Variants in TPM3 observed in about 807,000 individuals in gnomAD.
The protein encoded by TPM3 is tropomyosin alpha-3 chain.
In TPM3, 16 loss-of-function variants were observed where a neutral mutation model predicts 43.1. The ratio of observed to expected loss-of-function variants is 0.37; its 90% confidence interval spans 0.25 to 0.56. The LOEUF is 0.56. TPM3 is among the 20% of genes least tolerant of loss of function. The pLI, the probability that TPM3 is intolerant of heterozygous loss-of-function variation, is 0.77. For synonymous variants in TPM3, 101 were observed against 116.9 expected, an observed-to-expected ratio of 0.86 and a Z score of 0.88; for missense variants, 176 against 337.2, an observed-to-expected ratio of 0.52 and a Z score of 3.74.
Position 154,167,171 on chromosome 1 carries a change from C to T in TPM3, c.*766G>A, listed in dbSNP as rs1436451887. On this transcript the variant is annotated 3_prime_UTR_variant, in exon 10 of 10. Coordinates refer to ENST00000651641, the MANE Select transcript of TPM3 (RefSeq NM_152263.4). ...CTTATCTTATATCCCACTAGTCACA[C>T]ACTAGCAGGCAAATGGTAGCAAGTC... 1.1e-5 allele frequency: 4 copies of T among 362,312 alleles called. No individual in the cohort carries two copies. The highest frequency in any genetic ancestry group is 4.4e-5 in the African/African-American group (2 of 45,100). The allele number at this position is 362,312 out of a possible 1,614,324, so 22.4% of individuals were successfully genotyped here. A position where few individuals can be genotyped will look rare whatever the true frequency, so the allele number is the denominator to read the frequency against.
At chr1:154,187,371 T>G in intron 2 of TPM3, 1 of 984,862 alleles carries the variant, frequency 1.0e-6, no homozygotes, top group Non-Finnish European at 1.2e-6. Context: ...TGCTTGCTCC[T>G]GGCCACAACC....
At chr1:154,184,248 A>G (rs2148285934) in intron 2 of TPM3, among the ~76,000 whole-genome samples, 1 of 152,024 alleles carries the variant, frequency 6.6e-6, no homozygotes, top group South Asian at 2.1e-4. Context: ...CGTGTTAGCC[A>G]GGATGGTCTC....
downstream of TPM3, chr1:154,156,026 T>C (rs1659773988): frequency 5.6e-6 from 1 of 179,220 alleles, no homozygotes; most frequent in Admixed American, 6.3e-5. Context: ...AGGTCAGGAG[T>C]TCGAGACCAG....
At chr1:154,157,428 A>G, downstream of TPM3, 2 of 666,640 alleles carry the variant, frequency 3.0e-6, no homozygotes, top group Non-Finnish European at 2.7e-6. Context: ...GTTGTTTCCA[A>G]AGGTGCTCAG....
rs1160785800 is a variant in TPM3 at position 154,163,036 on chromosome 1, CTT to C, written c.*4899_*4900del. On this transcript the variant is annotated 3_prime_UTR_variant, in exon 10 of 10. Coordinates refer to ENST00000651641, the MANE Select transcript of TPM3 (RefSeq NM_152263.4). ...ACGTTGGCCAGGATGGTCTTGATCTCTTGACCTTGTGATCCACCTGCCTCGGC... is the reference window on the plus strand; with the variant it reads ...ACGTTGGCCAGGATGGTCTTGATCTCGACCTTGTGATCCACCTGCCTCGGC... Among the ~76,000 whole-genome samples the C allele has an allele frequency of 6.6e-6, 1 of 152,158 alleles. No homozygotes were observed. Among genetic ancestry groups the C allele is most frequent in the Admixed American group, 6.5e-5 (1 of 15,272 alleles).
intron 5 of TPM3, chr1:154,172,640 T>C (rs889910225): frequency 2.0e-6 from 1 of 510,618 alleles, no homozygotes; most frequent in African/African-American, 1.9e-5. Flanking sequence ...TCCAATTAAC[T>C]GTTCACCATG....
At chr1:154,191,683 T>A in intron 1 of TPM3, 5 of 1,461,982 alleles carry the variant, frequency 3.4e-6, no homozygotes, top group Non-Finnish European at 2.7e-6. Context: ...TCTACTTAAA[T>A]TCAGCAGACA....
At chr1:154,170,174 T>G (rs554450943) in intron 8 of TPM3, 1 of 554,244 alleles carries the variant, frequency 1.8e-6, no homozygotes, top group Non-Finnish European at 3.2e-6. Flanking sequence ...AGGGTACAAA[T>G]TGCAGACTAT....
chr1:154,183,268 C>T, intron 2 of TPM3: 1 of 1,518,964 alleles, frequency 6.6e-7, no homozygotes, highest in Non-Finnish European at 8.8e-7. Context: ...GCCGCGCCCT[C>T]CCACCGCCAG....
chr1:154,169,326 G>T lies in TPM3; in HGVS notation c.833C>A (p.Ala278Asp). ...YKAISEELDH[A>D]LNDMTSI is the part of the protein sequence containing the mutation. The stretch of plus-strand genomic sequence containing the variant: ...TTACATAGAGGTCATGTCATTGAGG[G>T]CGTGGTCCAGCTCCTCGCTAATGGC... The change falls in exon 9 of 10, where the codon GCC (alanine) becomes GAC (aspartate). Residue 278 changes from alanine (A) to aspartate (D), a missense_variant. By Grantham distance (126) the Ala-to-Asp change is moderately radical (BLOSUM62 -2). Coordinates refer to ENST00000651641, the MANE Select transcript of TPM3 (RefSeq NM_152263.4). The T allele has an allele frequency of 6.2e-7, 1 of 1,614,198 alleles. No individual in the cohort carries two copies. The highest frequency in any genetic ancestry group is 8.5e-7 in the Non-Finnish European group (1 of 1,180,046).
chr1:154,189,014 C>T (rs1663545157), intron 2 of TPM3, among the ~76,000 whole-genome samples: 1 of 151,360 alleles, frequency 6.6e-6, no homozygotes, highest in South Asian at 2.1e-4. Flanking sequence ...TGCCTGTAAT[C>T]CCAGCTACTC....
chr1:154,183,682 C>T (rs1663232758), intron 2 of TPM3: 1 of 176,566 alleles, frequency 5.7e-6, no homozygotes, highest in African/African-American at 2.4e-5. Flanking sequence ...CAAAAGAGCC[C>T]CACTCAGTCT....
intron 6 of TPM3, 118 bp downstream of exon 6, chr1:154,171,295 G>A: frequency 9.8e-7 from 1 of 1,024,296 alleles, no homozygotes; most frequent in South Asian, 1.3e-5. Context: ...ATGGTAAGGA[G>A]GTAGGAAGAG....
At chr1:154,177,199 T>C (rs1662436333) in intron 2 of TPM3, among the ~76,000 whole-genome samples, 1 of 152,134 alleles carries the variant, frequency 6.6e-6, no homozygotes, top group South Asian at 2.1e-4. Context: ...ACTCCTTTTT[T>C]AAGTTGGCTA....
rs746822010 is a variant in TPM3 at position 154,178,441 on chromosome 1, G to C, written c.244-2193C>G. ...AGCTTCAGAGACCCCCTCCAGGGTGGAGTGGTAGGGAATGGGACCTTGCCT... is the reference window on the plus strand; with the variant it reads ...AGCTTCAGAGACCCCCTCCAGGGTGCAGTGGTAGGGAATGGGACCTTGCCT... On this transcript the variant is annotated intron_variant, in intron 2 of 9. Transcript: ENST00000651641. Among the ~76,000 whole-genome samples, 9 of 152,240 alleles carry C rather than the reference G, an allele frequency of 5.9e-5. 1 individual carries two copies. The highest frequency in any genetic ancestry group is 1.3e-4 in the Non-Finnish European group (9 of 68,038).
In TPM3 at chr1:154,169,505, T is replaced by C. The variant is rs563015441; in HGVS notation, c.776-122A>G. The C allele has an allele frequency of 1.2e-4, 111 of 930,770 alleles. No homozygotes were observed. In the African/African-American group the frequency reaches 1.3e-3, roughly 11 times the overall value. The allele number at this position is 930,770 out of a possible 1,614,324, so 57.7% of individuals were successfully genotyped here. A position where few individuals can be genotyped will look rare whatever the true frequency, so the allele number is the denominator to read the frequency against. ...GTGACTGTGGGTCTAATACCACAGT[T>C]AGGAAAATATCTACTCTGGCAACCA... is the stretch of plus-strand genomic sequence containing the variant. On this transcript the variant is annotated intron_variant, in intron 8 of 9. Transcript: ENST00000651641.
At chr1:154,183,902 G>A (rs1376242887) in intron 2 of TPM3, 3 of 125,902 alleles carry the variant, frequency 2.4e-5, no homozygotes, top group African/African-American at 9.2e-5. Context: ...TCGCTCTGTT[G>A]CTGGAGTGCG....
intron 2 of TPM3, among the ~76,000 whole-genome samples, chr1:154,182,201 C>T (rs991333473): frequency 6.6e-6 from 1 of 152,172 alleles, no homozygotes; most frequent in Non-Finnish European, 1.5e-5. Context: ...GACAGAAGTT[C>T]CTGCCTTCCA....
chr1:154,186,983 CTTAT>C (rs1663440529), intron 2 of TPM3, among the ~76,000 whole-genome samples: 2 of 151,834 alleles, frequency 1.3e-5, no homozygotes, highest in Admixed American at 1.3e-4. Context: ...GCTCTGTTTA[CTTAT>C]TTATTAACCT....
Sources: allele counts gnomAD v4.1 joint callset (sites outside exome capture counted in the v4.1 genomes callset), GRCh38; gene constraint gnomAD v4.1.1; transcripts MANE v1.5; gene names NCBI Gene and HGNC (gene_info 2026-07-23, HGNC 2026-07-21).